ZNF678: variants seen among roughly 807,000 people sequenced by gnomAD.
ZNF678 encodes the protein hypothetical protein MGC42493.
A neutral mutation model predicts 3.0 loss-of-function variants in ZNF678; 5 were observed. The ratio of observed to expected loss-of-function variants is 1.69; its 90% CI spans 0.88 to 3.56. The LOEUF (loss-of-function observed/expected upper bound fraction) is 3.56. Ranked by LOEUF, ZNF678 falls within the 30% of genes most tolerant of loss-of-function variation. The pLI is 0.00. For missense variants in ZNF678, 593 were observed against 605.0 expected (o/e 0.98, Z 0.21); for synonymous variants, 218 against 199.6 (o/e 1.09, Z -0.78).
chr1:227,567,082 C>T (rs1045117886), intron 1 of ZNF678, among the ~76,000 whole-genome samples: 1 of 152,166 alleles, frequency 6.6e-6, no homozygotes. Flanking sequence ...ATTTAATTAT[C>T]TGGACATCCA....
downstream of ZNF678, among the ~76,000 whole-genome samples, chr1:227,679,328 C>A (rs2102824842): frequency 6.6e-6 from 1 of 152,256 alleles, no homozygotes; most frequent in East Asian, 1.9e-4. Context: ...AACTAAAAGG[C>A]AGAAATGAAA....
chr1:227,621,545 T>G (rs995223076), intron 1 of ZNF678, among the ~76,000 whole-genome samples: 2 of 152,204 alleles, frequency 1.3e-5, no homozygotes, highest in African/African-American at 4.8e-5. Flanking sequence ...TGATTTGTGC[T>G]CTAAGCAGAA....
At chr1:227,620,385 G>A (rs1028276235) in intron 1 of ZNF678, among the ~76,000 whole-genome samples, 2 of 151,988 alleles carry the variant, frequency 1.3e-5, no homozygotes, top group Non-Finnish European at 2.9e-5. Flanking sequence ...GTGTGTGTGT[G>A]TTGCCTTCGT....
At chr1:227,626,331 A>G (rs1306374752) in intron 1 of ZNF678, among the ~76,000 whole-genome samples, 1 of 152,196 alleles carries the variant, frequency 6.6e-6, no homozygotes, top group African/African-American at 2.4e-5. Flanking sequence ...GATGTATCCA[A>G]GATTCTACTC....
chr1:227,601,647 C>G (rs1657741994), intron 1 of ZNF678, among the ~76,000 whole-genome samples: 1 of 152,112 alleles, frequency 6.6e-6, no homozygotes, highest in South Asian at 2.1e-4. Flanking sequence ...TCATTGCAAC[C>G]TCCACCTCCC....
intron 1 of ZNF678, among the ~76,000 whole-genome samples, chr1:227,621,927 C>A (rs1384264374): frequency 6.6e-6 from 1 of 152,156 alleles, no homozygotes; most frequent in East Asian, 1.9e-4. Flanking sequence ...AATAGCACGT[C>A]CAATTCTAAC....
chr1:227,625,177 G>A (rs1173696664), intron 1 of ZNF678, among the ~76,000 whole-genome samples: 1 of 152,172 alleles, frequency 6.6e-6, no homozygotes, highest in Non-Finnish European at 1.5e-5. Flanking sequence ...TGTGAGCTGA[G>A]TTACAAGCCC....
chr1:227,589,792 G>A (rs61824914), intron 1 of ZNF678, among the ~76,000 whole-genome samples: 8,846 of 151,764 alleles, frequency 0.058, 456 homozygotes, highest in Non-Finnish European at 0.087. Flanking sequence ...TAACTATCAC[G>A]CCCAGAGCAC....
chr1:227,598,851 G>A, intron 1 of ZNF678: 1 of 615,620 alleles, frequency 1.6e-6, no homozygotes, highest in Non-Finnish European at 3.1e-6. Flanking sequence ...AGAAGAAGAT[G>A]AATACCTACC....
At chr1:227,588,531 C>T (rs1269748929) in intron 1 of ZNF678, among the ~76,000 whole-genome samples, 1 of 139,282 alleles carries the variant, frequency 7.2e-6, no homozygotes, top group Non-Finnish European at 1.5e-5. Context: ...AACACAGTCT[C>T]ACTCTGTCAC....
chr1:227,594,923 A>T (rs1270910316), intron 1 of ZNF678, among the ~76,000 whole-genome samples: 1 of 151,690 alleles, frequency 6.6e-6, no homozygotes, highest in African/African-American at 2.4e-5. Context: ...TATTTTTTTT[A>T]CTGTTTTTCT....
intron 1 of ZNF678, among the ~76,000 whole-genome samples, chr1:227,645,459 T>G (rs1451378964): frequency 6.6e-6 from 1 of 152,242 alleles, no homozygotes; most frequent in African/African-American, 2.4e-5. Flanking sequence ...ATTTTTCTTC[T>G]TATGATAGTC....
At chr1:227,581,808 T>C (rs942073507) in intron 1 of ZNF678, among the ~76,000 whole-genome samples, 2 of 152,250 alleles carry the variant, frequency 1.3e-5, no homozygotes, top group Admixed American at 1.3e-4. Context: ...GTTATGCGTA[T>C]GTTCAGCTTT....
chr1:227,646,507 C>T (rs758764427), intron 1 of ZNF678, 37 bp from the exon 2 acceptor site: 1 of 1,351,724 alleles, frequency 7.4e-7, no homozygotes, highest in Non-Finnish European at 9.8e-7. Context: ...GCCCATGGCA[C>T]ATTTTGTAAA....
chr1:227,629,015 G>A (rs1658486071), intron 1 of ZNF678, among the ~76,000 whole-genome samples: 6 of 152,224 alleles, frequency 3.9e-5, no homozygotes, highest in Admixed American at 3.9e-4. Flanking sequence ...GTTAGGTGCA[G>A]CTGGGTATAG....
intron 3 of ZNF678, among the ~76,000 whole-genome samples, chr1:227,652,100 A>G (rs1274188946): frequency 1.3e-5 from 2 of 152,190 alleles, no homozygotes; most frequent in African/African-American, 4.8e-5. Context: ...AGTAAATCTT[A>G]TATGTATTCA....
At chr1:227,648,730 A>G (rs1197790940) in intron 2 of ZNF678, among the ~76,000 whole-genome samples, 1 of 152,014 alleles carries the variant, frequency 6.6e-6, no homozygotes, top group Non-Finnish European at 1.5e-5. Context: ...GAGGCGGGAG[A>G]ATTTGCTTGA....
chr1:227,610,755 A>G (rs550035277), intron 1 of ZNF678, among the ~76,000 whole-genome samples: 3 of 152,080 alleles, frequency 2.0e-5, no homozygotes, highest in African/African-American at 7.2e-5. Flanking sequence ...CAGCTTTCCA[A>G]CCCCCCTAAG....
chr1:227,593,000 C>A (rs769959271), intron 1 of ZNF678, among the ~76,000 whole-genome samples: 1 of 152,242 alleles, frequency 6.6e-6, no homozygotes, highest in Non-Finnish European at 1.5e-5. Flanking sequence ...GGTAAGTTTT[C>A]TCCTTGTCGT....
Sources: allele counts gnomAD v4.1 joint callset (sites outside exome capture counted in the v4.1 genomes callset), GRCh38; gene constraint gnomAD v4.1.1; transcripts MANE v1.5; gene names NCBI Gene and HGNC (gene_info 2026-07-23, HGNC 2026-07-21).